ZBTB20: variants seen among roughly 807,000 people sequenced by gnomAD.
The protein encoded by ZBTB20 is zinc finger and BTB domain-containing protein 20.
Under a neutral mutation model 56.9 loss-of-function variants are expected in ZBTB20, and 9 were observed. The ratio of observed to expected loss-of-function variants is 0.16; its 90% CI spans 0.10 to 0.28. The LOEUF (loss-of-function observed/expected upper bound fraction) is 0.28, where lower values mean the gene tolerates loss of function less well. ZBTB20 is among the 10% of genes least tolerant of loss of function. ZBTB20 has a pLI of 1.00. For synonymous variants in ZBTB20, 417 were observed against 420.7 expected, an observed-to-expected ratio of 0.99 and a Z score of 0.11; for missense variants, 655 against 1,003.0, an observed-to-expected ratio of 0.65 and a Z score of 4.69.
intron 6 of ZBTB20, among the ~76,000 whole-genome samples, chr3:114,563,848 T>C (rs1360688167): frequency 1.3e-5 from 2 of 152,196 alleles, no homozygotes; most frequent in Non-Finnish European, 2.9e-5. Context: ...GATGTACTCT[T>C]AACTAGATAA....
chr3:114,343,656 A>C (rs1233367417), intron 11 of ZBTB20, among the ~76,000 whole-genome samples: 2 of 152,230 alleles, frequency 1.3e-5, no homozygotes, highest in African/African-American at 4.8e-5. Context: ...AAAATGGGGA[A>C]GGTTCCATAT....
In ZBTB20 at chr3:114,325,391, T is replaced by C. The variant is rs573389622; in HGVS notation, c.*13614A>G. On this transcript the variant is annotated 3_prime_UTR_variant, in exon 12 of 12. Coordinates refer to ENST00000675478, the MANE Select transcript of ZBTB20 (RefSeq NM_001348800.3). ...TAAAGCACTTTGAACTACAGGAAAATCTTATCTCAAATTTGAACTATTATT... is the reference window on the plus strand; with the variant it reads ...TAAAGCACTTTGAACTACAGGAAAACCTTATCTCAAATTTGAACTATTATT... 1.4e-4 allele frequency: 21 copies of C among 152,250 alleles called. No individual in the cohort carries two copies. In the South Asian group the frequency reaches 4.4e-3, roughly 32 times the overall value. The allele number at this position is 152,250 out of a possible 1,614,324, so 9.4% of individuals were successfully genotyped here. A position where few individuals can be genotyped will look rare whatever the true frequency, so the allele number is the denominator to read the frequency against.
chr3:114,676,988 T>C (rs1018342998), intron 6 of ZBTB20, among the ~76,000 whole-genome samples: 3 of 152,020 alleles, frequency 2.0e-5, no homozygotes, highest in African/African-American at 7.2e-5. Context: ...TTGGCCAGGA[T>C]GGTCTTGATC....
At chr3:115,085,065 G>T (rs1212435897) in intron 1 of ZBTB20, among the ~76,000 whole-genome samples, 1 of 151,926 alleles carries the variant, frequency 6.6e-6, no homozygotes, top group African/African-American at 2.4e-5. Context: ...TCCAAAAAAA[G>T]ATATTCATCC....
At position 114,335,461 on chromosome 3, in the gene ZBTB20, AG is replaced by A. The variant is rs2079421354; in HGVS notation, c.*3543del. 1 of 152,230 alleles carries A rather than the reference AG, an allele frequency of 6.6e-6. No individual in the cohort carries two copies. Among genetic ancestry groups the A allele is most frequent in the Non-Finnish European group, 1.5e-5 (1 of 68,036 alleles). The allele number at this position is 152,230 out of a possible 1,614,324, so 9.4% of individuals were successfully genotyped here. A position where few individuals can be genotyped will look rare whatever the true frequency, so the allele number is the denominator to read the frequency against. ...TTTGTGATTGTTTAACTTAAAAGTGAGAATTGACAATCTAAAAGCATCTCTA... is the reference window on the plus strand; with the variant it reads ...TTTGTGATTGTTTAACTTAAAAGTGAAATTGACAATCTAAAAGCATCTCTA... On this transcript the variant is annotated 3_prime_UTR_variant, in exon 12 of 12. Transcript: ENST00000675478.
intron 5 of ZBTB20, among the ~76,000 whole-genome samples, chr3:114,712,584 C>T (rs925948593): frequency 6.2e-5 from 9 of 144,604 alleles, no homozygotes; most frequent in South Asian, 4.4e-4. Context: ...ACCCGGGAGG[C>T]GGAGGTTGTG....
intron 2 of ZBTB20, among the ~76,000 whole-genome samples, chr3:115,030,457 T>C (rs2080621662): frequency 6.6e-6 from 1 of 151,268 alleles, no homozygotes; most frequent in Non-Finnish European, 1.5e-5. Context: ...GAAAGGGTAA[T>C]ATTTTACCTC....
intron 8 of ZBTB20, chr3:114,383,598 T>C (rs1397335574): frequency 6.6e-6 from 1 of 152,190 alleles, no homozygotes; most frequent in Admixed American, 6.5e-5. Context: ...CTTATTTGTC[T>C]TATATCACTT....
At chr3:114,506,390 A>C (rs148883223) in intron 6 of ZBTB20, among the ~76,000 whole-genome samples, 2 of 152,088 alleles carry the variant, frequency 1.3e-5, no homozygotes, top group Non-Finnish European at 2.9e-5. Context: ...ATCCCACCCC[A>C]TATGAATCTC....
rs200576409 is a variant in ZBTB20 at position 114,543,266 on chromosome 3, TTG to T, written c.-294-42877_-294-42876del. 3.9e-4 allele frequency among the ~76,000 whole-genome samples: 59 copies of T among 151,708 alleles called. 1 individual carries two copies. In the East Asian group the frequency reaches 9.1e-3, roughly 23 times the overall value. ...TTTTTTGGTATATTGTTATTTTTTA[TTG>T]TTTTTTTTCCAAATATTTTTGATGT... is the stretch of plus-strand genomic sequence containing the variant. On this transcript the variant is annotated intron_variant, in intron 6 of 11. Coordinates refer to ENST00000675478, the MANE Select transcript of ZBTB20 (RefSeq NM_001348800.3).
chr3:114,916,398 T>C (rs191055947), intron 3 of ZBTB20, among the ~76,000 whole-genome samples: 1 of 152,228 alleles, frequency 6.6e-6, no homozygotes, highest in African/African-American at 2.4e-5. Flanking sequence ...GATTACAGTA[T>C]TATAATGTTG....
intron 2 of ZBTB20, among the ~76,000 whole-genome samples, chr3:114,997,911 G>A (rs973028023): frequency 6.6e-5 from 10 of 151,042 alleles, no homozygotes; most frequent in African/African-American, 1.7e-4. Context: ...GGAGAAGAAG[G>A]AGCAAAGGTA....
chr3:114,936,014 G>A (rs2076522294), intron 3 of ZBTB20, among the ~76,000 whole-genome samples: 1 of 152,052 alleles, frequency 6.6e-6, no homozygotes, highest in African/African-American at 2.4e-5. Flanking sequence ...TTCTTGATTA[G>A]CTATGTGTGT....
intron 7 of ZBTB20, among the ~76,000 whole-genome samples, chr3:114,393,431 C>T (rs2086062754): frequency 1.3e-5 from 2 of 152,260 alleles, no homozygotes; most frequent in Non-Finnish European, 1.5e-5. Flanking sequence ...GTATGTCTGT[C>T]CTTTAATTAA....
At chr3:115,055,375 C>A (rs1450496521) in intron 2 of ZBTB20, among the ~76,000 whole-genome samples, 3 of 152,014 alleles carry the variant, frequency 2.0e-5, no homozygotes, top group African/African-American at 4.8e-5. Context: ...CTTTAGATGA[C>A]CACTGACCTG....
intron 2 of ZBTB20, among the ~76,000 whole-genome samples, chr3:115,012,155 A>T (rs2079745112): frequency 6.6e-6 from 1 of 151,872 alleles, no homozygotes; most frequent in African/African-American, 2.4e-5. Context: ...AAGAAGGAAG[A>T]GAAGACCACA....
At position 114,979,721 on chromosome 3, in the gene ZBTB20, G is replaced by A. The variant is rs973803492; in HGVS notation, c.-506-5305C>T. Among the ~76,000 whole-genome samples the A allele has an allele frequency of 4.8e-4, 73 of 151,924 alleles. 1 individual carries two copies. Among genetic ancestry groups the A allele is most frequent in the African/African-American group, 1.5e-3 (61 of 41,416 alleles). On this transcript the variant is annotated intron_variant, in intron 2 of 11. Coordinates refer to ENST00000675478, the MANE Select transcript of ZBTB20 (RefSeq NM_001348800.3). Reference sequence around the variant, plus strand: ...CATAAAGAACCTGTACAGTTCCATCGTCAAGAAGACAAGGATACATTCCTT... The same window carrying A: ...CATAAAGAACCTGTACAGTTCCATCATCAAGAAGACAAGGATACATTCCTT...
intron 1 of ZBTB20, among the ~76,000 whole-genome samples, chr3:115,139,273 C>A (rs1451182031): frequency 6.6e-6 from 1 of 151,878 alleles, no homozygotes; most frequent in East Asian, 1.9e-4. Flanking sequence ...TGTTAGATAG[C>A]TTTAAGCCTT....
At chr3:114,582,625 C>G (rs1347777444) in intron 6 of ZBTB20, among the ~76,000 whole-genome samples, 1 of 152,286 alleles carries the variant, frequency 6.6e-6, no homozygotes, top group East Asian at 1.9e-4. Context: ...AGTGATCTGC[C>G]CACTTTGGCC....
Sources: gnomAD v4.1 joint callset for allele counts (sites outside exome capture counted in the v4.1 genomes callset) on GRCh38, gnomAD v4.1.1 for gene constraint, MANE v1.5 for transcripts, NCBI Gene and HGNC (gene_info 2026-07-23, HGNC 2026-07-21) for gene names.